Variants in SLC24A2 observed in about 807,000 individuals in gnomAD.
SLC24A2 encodes the protein solute carrier family 24 member 2, also known as sodium/potassium/calcium exchanger 2.
In SLC24A2, 36 loss-of-function variants were observed where a neutral mutation model predicts 62.0. The ratio of observed to expected loss-of-function variants is 0.58; its 90% CI spans 0.44 to 0.77. The LOEUF is 0.77. SLC24A2 is among the 30% of genes least tolerant of loss of function. The pLI, the probability that SLC24A2 is intolerant of heterozygous loss-of-function variation, is 0.00. For missense variants in SLC24A2, 846 were observed against 817.9 expected, an observed-to-expected ratio of 1.03 and a Z score of -0.42; for synonymous variants, 358 against 294.0, an observed-to-expected ratio of 1.22 and a Z score of -2.23.
the SLC24A2 span, among the ~76,000 whole-genome samples, chr9:19,885,151 G>T: frequency 6.6e-6 from 1 of 152,094 alleles, no homozygotes; most frequent in Non-Finnish European, 1.5e-5. Flanking sequence ...ATAGATCTTG[G>T]CAAGAAAAGA....
chr9:20,095,900 T>A, the SLC24A2 span, among the ~76,000 whole-genome samples: 7 of 152,150 alleles, frequency 4.6e-5, no homozygotes, highest in Non-Finnish European at 8.8e-5. Context: ...AAACCCCTTA[T>A]AAAATCATCA....
intron 7 of SLC24A2, among the ~76,000 whole-genome samples, chr9:19,555,748 C>T (rs893087222): frequency 6.6e-6 from 1 of 152,076 alleles, no homozygotes; most frequent in Non-Finnish European, 1.5e-5. Context: ...AGTTTGAGAC[C>T]AGCTTGGCCA....
chr9:20,013,999 A>T, the SLC24A2 span, among the ~76,000 whole-genome samples: 977 of 152,300 alleles, frequency 6.4e-3, 5 homozygotes, highest in South Asian at 0.011. Context: ...ACTTGAGCTC[A>T]GGAGTTGAGA....
the SLC24A2 span, among the ~76,000 whole-genome samples, chr9:20,008,233 C>T: frequency 6.6e-6 from 1 of 151,866 alleles, no homozygotes; most frequent in African/African-American, 2.4e-5. Flanking sequence ...GGGCTATGTC[C>T]TCTCCCCACC....
chr9:19,911,714 A>G, the SLC24A2 span, among the ~76,000 whole-genome samples: 1 of 152,140 alleles, frequency 6.6e-6, no homozygotes, highest in Admixed American at 6.5e-5. Context: ...TGAGACATTA[A>G]TGGCTCTATC....
the SLC24A2 span, among the ~76,000 whole-genome samples, chr9:20,258,764 T>TTATCTATC: frequency 8.9e-3 from 1,247 of 139,670 alleles, 13 homozygotes; most frequent in East Asian, 0.013. Flanking sequence ...CTCCTCTCAT[T>TTATCTATC]TATCTATCTA....
the SLC24A2 span, among the ~76,000 whole-genome samples, chr9:20,252,417 G>A: frequency 6.6e-6 from 1 of 152,146 alleles, no homozygotes. Flanking sequence ...GTGTCTCATG[G>A]CTAGCAAGAG....
chr9:19,721,224 A>G (rs1438465030), intron 2 of SLC24A2, among the ~76,000 whole-genome samples: 1 of 152,188 alleles, frequency 6.6e-6, no homozygotes, highest in Non-Finnish European at 1.5e-5. Context: ...CTTTAAAAAT[A>G]CAACTCACCT....
chr9:19,931,653 G>A, the SLC24A2 span, among the ~76,000 whole-genome samples: 1 of 152,100 alleles, frequency 6.6e-6, no homozygotes, highest in Non-Finnish European at 1.5e-5. Flanking sequence ...AAATTAGGGT[G>A]ACTAAACATT....
At chr9:20,105,340 A>T in the SLC24A2 span, among the ~76,000 whole-genome samples, 37 of 152,192 alleles carry the variant, frequency 2.4e-4, no homozygotes, top group African/African-American at 8.0e-4. Context: ...GCTTTGCACC[A>T]AGCGGACCTA....
At chr9:19,896,154 G>A in the SLC24A2 span, among the ~76,000 whole-genome samples, 47 of 152,234 alleles carry the variant, frequency 3.1e-4, no homozygotes, top group Middle Eastern at 3.4e-3. Flanking sequence ...CCTGTTTAAC[G>A]TTTTGCTCGG....
At chr9:19,970,752 T>C in the SLC24A2 span, among the ~76,000 whole-genome samples, 1 of 152,132 alleles carries the variant, frequency 6.6e-6, no homozygotes, top group Admixed American at 6.5e-5. Context: ...CCATTTTCAG[T>C]TAGTAGGAGA....
chr9:19,671,775 A>AG (rs1554695992), intron 2 of SLC24A2, among the ~76,000 whole-genome samples: 17 of 121,562 alleles, frequency 1.4e-4, no homozygotes, highest in South Asian at 5.0e-4. Context: ...TAGATGCTGG[A>AG]TTTTGTCAAA....
At chr9:20,248,788 AC>A in the SLC24A2 span, among the ~76,000 whole-genome samples, 1 of 152,248 alleles carries the variant, frequency 6.6e-6, no homozygotes, top group Non-Finnish European at 1.5e-5. Flanking sequence ...GCAAATCCTG[AC>A]AATGTACAAC....
At chr9:20,147,069 G>C in the SLC24A2 span, among the ~76,000 whole-genome samples, 225 of 152,230 alleles carry the variant, frequency 1.5e-3, no homozygotes, top group Non-Finnish European at 1.9e-3. Flanking sequence ...CAAGTTTCAA[G>C]GATAAATTCT....
chr9:20,262,650 T>A, the SLC24A2 span, among the ~76,000 whole-genome samples: 2 of 152,200 alleles, frequency 1.3e-5, no homozygotes, highest in African/African-American at 4.8e-5. Context: ...ATGAGCATTA[T>A]CTCATTTCAT....
chr9:19,645,944 C>T (rs983432707), intron 2 of SLC24A2, among the ~76,000 whole-genome samples: 1 of 152,208 alleles, frequency 6.6e-6, no homozygotes, highest in Non-Finnish European at 1.5e-5. Flanking sequence ...TGTCTTGTTT[C>T]TGCGTCTTCC....
At chr9:19,816,673 G>A in the SLC24A2 span, among the ~76,000 whole-genome samples, 1 of 152,176 alleles carries the variant, frequency 6.6e-6, no homozygotes, top group South Asian at 2.1e-4. Context: ...TACAATCATG[G>A]CAGAAGATGA....
chr9:19,852,516 G>A, the SLC24A2 span, among the ~76,000 whole-genome samples: 2 of 152,134 alleles, frequency 1.3e-5, no homozygotes, highest in South Asian at 2.1e-4. Flanking sequence ...AGGAAGGGGT[G>A]CACTTTCAAT....
Sources: gnomAD v4.1 joint callset for allele counts (sites outside exome capture counted in the v4.1 genomes callset) on GRCh38, gnomAD v4.1.1 for gene constraint, MANE v1.5 for transcripts, NCBI Gene and HGNC (gene_info 2026-07-23, HGNC 2026-07-21) for gene names.